ZNF160: variants seen among roughly 807,000 people sequenced by gnomAD.
ZNF160 encodes zinc finger protein 160.
A neutral mutation model predicts 13.1 loss-of-function variants in ZNF160; 9 were observed. The ratio of observed to expected loss-of-function variants is 0.69; its 90% CI spans 0.41 to 1.20. The LOEUF (loss-of-function observed/expected upper bound fraction) is 1.20. Ranked by LOEUF, ZNF160 falls within the 50% of genes most tolerant of loss-of-function variation. The pLI is 0.01. For synonymous variants in ZNF160, 293 were observed against 333.2 expected, an observed-to-expected ratio of 0.88 and a Z score of 1.31; for missense variants, 838 against 988.0, an observed-to-expected ratio of 0.85 and a Z score of 2.04.
chr19:53,074,645 G>A (rs550231501), intron 4 of ZNF160, among the ~76,000 whole-genome samples: 10 of 148,208 alleles, frequency 6.7e-5, no homozygotes, highest in East Asian at 4.0e-4. Context: ...ACTCCAGCCC[G>A]GGCGACAGAG....
At chr19:53,070,310 A>G in intron 5 of ZNF160, 48 bp from the exon 6 acceptor site, 1 of 1,454,120 alleles carries the variant, frequency 6.9e-7, no homozygotes, top group Non-Finnish European at 9.1e-7. Flanking sequence ...TACAGTATAG[A>G]AATAAATATT....
chr19:53,099,490 C>T (rs1309957993), intron 1 of ZNF160, among the ~76,000 whole-genome samples: 2 of 152,140 alleles, frequency 1.3e-5, no homozygotes, highest in Admixed American at 6.5e-5. Context: ...CTGGGGAACA[C>T]GGGAAGCCGG....
intron 3 of ZNF160, among the ~76,000 whole-genome samples, chr19:53,083,076 C>T (rs907535475): frequency 1.3e-5 from 2 of 152,090 alleles, no homozygotes; most frequent in African/African-American, 4.8e-5. Context: ...ACTTCCATGC[C>T]CTCCCTGAGT....
At chr19:53,073,170 G>C in intron 5 of ZNF160, 1 of 1,404,552 alleles carries the variant, frequency 7.1e-7, no homozygotes, top group African/African-American at 1.4e-5. Context: ...TCTACTCTTT[G>C]CTGCTATTAG....
At chr19:53,074,514 A>C (rs969403243) in intron 4 of ZNF160, among the ~76,000 whole-genome samples, 1 of 151,924 alleles carries the variant, frequency 6.6e-6, no homozygotes, top group Non-Finnish European at 1.5e-5. Context: ...AAAAACATAA[A>C]AAAAAATTAT....
chr19:53,087,759 C>T (rs1327093343), intron 2 of ZNF160, among the ~76,000 whole-genome samples: 4 of 152,144 alleles, frequency 2.6e-5, no homozygotes, highest in Admixed American at 2.6e-4. Context: ...GCCATGTTGG[C>T]CAGGCTGGTC....
Position 53,075,076 on chromosome 19 carries a change from G to A in ZNF160, c.123C>T (p.Tyr41=). 3 of 1,614,170 alleles carry A rather than the reference G, an allele frequency of 1.9e-6. No individual in the cohort carries two copies. The highest frequency in any genetic ancestry group is 2.5e-6 in the Non-Finnish European group (3 of 1,180,018). The change falls in exon 4 of 6, where the codon TAC becomes TAT. Residue 41 remains tyrosine (Y), a synonymous_variant. Coordinates refer to ENST00000683776, the MANE Select transcript of ZNF160 (RefSeq NM_001322131.2). ...ILYRDVMLEN[Y]WNLVSLGLCH... is the part of the protein sequence containing the mutation. ...CCTCACCCAGAGAAACAAGGTTCCA[G>A]TAGTTCTCCAACATCACGTCCCTGT...
At chr19:53,086,025 C>T (rs2084816834) in intron 3 of ZNF160, 1 of 1,424,510 alleles carries the variant, frequency 7.0e-7, no homozygotes, top group East Asian at 2.5e-5. Flanking sequence ...CGTCTCCATC[C>T]ATGTCTGGGT....
At chr19:53,093,976 A>G (rs1414383493) in intron 1 of ZNF160, among the ~76,000 whole-genome samples, 1 of 152,194 alleles carries the variant, frequency 6.6e-6, no homozygotes. Context: ...TAGATCAACA[A>G]TTGAAAGATA....
In ZNF160 at chr19:53,068,241, C is replaced by G. The variant is rs776422252; in HGVS notation, c.2293G>C (p.Glu765Gln). The G allele has an allele frequency of 6.2e-7, 1 of 1,614,158 alleles. No individual in the cohort carries two copies. Among genetic ancestry groups the G allele is most frequent in the Non-Finnish European group, 8.5e-7 (1 of 1,180,004 alleles). ...HTGEKPYRCT[E>Q]CGKAFRVRSS... Reference sequence around the variant, plus strand: ...CTTACCCTAAAGGCTTTCCCACACTCTGTACACCTGTAAGGTTTCTCCCCA... The same window carrying G: ...CTTACCCTAAAGGCTTTCCCACACTGTGTACACCTGTAAGGTTTCTCCCCA... Residue 765 changes from glutamate to glutamine, a missense_variant, in exon 6 of 6, where the codon GAG becomes CAG. Glu to Gln is a conservative substitution (Grantham distance 29). Transcript: ENST00000683776.
rs2085467582 is a variant in ZNF160 at position 53,102,086 on chromosome 19, G to C, written c.-354+1179C>G. ...CCCCCTAGGATTCTGACGATGTTGTGCCTCTTTTTTCTTCTGCTGTTTCTC... is the reference window on the plus strand; with the variant it reads ...CCCCCTAGGATTCTGACGATGTTGTCCCTCTTTTTTCTTCTGCTGTTTCTC... On this transcript the variant is annotated intron_variant, in intron 1 of 5. Coordinates refer to ENST00000683776, the MANE Select transcript of ZNF160 (RefSeq NM_001322131.2). 2.0e-5 allele frequency among the ~76,000 whole-genome samples: 3 copies of C among 151,814 alleles called. No individual in the cohort carries two copies. The South Asian group carries it at 6.2e-4, about 32-fold the overall frequency.
intron 5 of ZNF160, chr19:53,073,255 A>G (rs2084246991): frequency 6.7e-7 from 1 of 1,489,732 alleles, no homozygotes; most frequent in Non-Finnish European, 8.9e-7. Context: ...CTGGAAAAAC[A>G]GAATACGCAC....
chr19:53,085,455 T>C (rs1038239895), intron 3 of ZNF160: 3 of 152,446 alleles, frequency 2.0e-5, no homozygotes, highest in African/African-American at 7.2e-5. Context: ...ATCATTTCAC[T>C]ATAAAAGAAA....
chr19:53,074,633 G>A (rs1418057423), intron 4 of ZNF160, among the ~76,000 whole-genome samples: 1 of 144,824 alleles, frequency 6.9e-6, no homozygotes, highest in Non-Finnish European at 1.5e-5. Flanking sequence ...TCACGCCACT[G>A]CACTCCAGCC....
At chr19:53,072,676 AC>A (rs961009246) in intron 5 of ZNF160, among the ~76,000 whole-genome samples, 2 of 151,868 alleles carry the variant, frequency 1.3e-5, no homozygotes, top group African/African-American at 4.8e-5. Flanking sequence ...ACATGGAGAA[AC>A]CCGATCTCTA....
intron 2 of ZNF160, 120 bp from the exon 3 acceptor site, chr19:53,086,441 G>T: frequency 1.3e-6 from 1 of 772,352 alleles, no homozygotes; most frequent in Non-Finnish European, 1.9e-6. Flanking sequence ...ATCTCACCCT[G>T]TGGAAAGATG....
chr19:53,082,103 G>A (rs329702), intron 3 of ZNF160, among the ~76,000 whole-genome samples: 133,214 of 152,112 alleles, frequency 0.88, 58,430 homozygotes, highest in Middle Eastern at 0.93. Flanking sequence ...AGACACTGGC[G>A]ACTCCAAAAA....
At chr19:53,073,217 T>C in intron 5 of ZNF160, 2 of 1,438,144 alleles carry the variant, frequency 1.4e-6, no homozygotes, top group Non-Finnish European at 9.1e-7. Flanking sequence ...AGTGACAACA[T>C]GCAGTACTTG....
intron 5 of ZNF160, chr19:53,073,370 C>T: frequency 6.3e-7 from 1 of 1,598,362 alleles, no homozygotes; most frequent in Non-Finnish European, 8.5e-7. Context: ...TATCACACAC[C>T]CCCATGAAAG....
Sources: gnomAD v4.1 joint callset for allele counts (sites outside exome capture counted in the v4.1 genomes callset) on GRCh38, gnomAD v4.1.1 for gene constraint, MANE v1.5 for transcripts, NCBI Gene and HGNC (gene_info 2026-07-23, HGNC 2026-07-21) for gene names.